Variants in ZNF257 observed in about 807,000 individuals in gnomAD.
ZNF257 encodes zinc finger protein 257.
In ZNF257, 12 loss-of-function variants were observed where a neutral mutation model predicts 11.9. The ratio of observed to expected loss-of-function variants is 1.01; its 90% CI spans 0.65 to 1.63. The LOEUF (loss-of-function observed/expected upper bound fraction) is 1.63. Ranked by LOEUF, ZNF257 falls within the 40% of genes most tolerant of loss-of-function variation. The probability of loss-of-function intolerance (pLI) is 0.00; values close to 1 mark genes in which losing one functional copy is unlikely to be tolerated. For synonymous variants in ZNF257, 183 were observed against 222.7 expected, an observed-to-expected ratio of 0.82 and a Z score of 1.59; for missense variants, 580 against 665.5, an observed-to-expected ratio of 0.87 and a Z score of 1.41.
Position 22,089,340 on chromosome 19 carries a change from T to TA in ZNF257, c.1591dup (p.Thr531AsnfsTer4), listed in dbSNP as rs770103992. On this transcript the variant is annotated frameshift_variant, in exon 4 of 4. Transcript: ENST00000594947. LOFTEE classifies it low-confidence loss of function (END_TRUNC). Reference sequence around the variant, plus strand: ...AGCCTTTTAATCGTTTCTCATACCTTACCGTACATAAGAGAATTCATGCTG... The same window carrying TA: ...AGCCTTTTAATCGTTTCTCATACCTTAACCGTACATAAGAGAATTCATGCTG... 3 of 1,613,594 alleles carry TA rather than the reference T, an allele frequency of 1.9e-6. No individual in the cohort carries two copies. The highest frequency in any genetic ancestry group is 2.5e-6 in the Non-Finnish European group (3 of 1,179,814).
intron 1 of ZNF257, among the ~76,000 whole-genome samples, chr19:22,054,914 CTTTT>C (rs58547883): frequency 2.7e-4 from 30 of 110,616 alleles, no homozygotes; most frequent in African/African-American, 7.3e-4. Flanking sequence ...GCTACTGGGT[CTTTT>C]TTTTTTTTTT....
intron 3 of ZNF257, among the ~76,000 whole-genome samples, chr19:22,077,883 A>G (rs992501097): frequency 6.6e-6 from 1 of 152,006 alleles, no homozygotes; most frequent in African/African-American, 2.4e-5. Flanking sequence ...TTCACCAACA[A>G]TCGACATGGG....
At chr19:22,081,177 C>T (rs530825031) in intron 3 of ZNF257, among the ~76,000 whole-genome samples, 1 of 151,804 alleles carries the variant, frequency 6.6e-6, no homozygotes, top group South Asian at 2.1e-4. Context: ...ATGCCCGGTC[C>T]TATATAGATA....
rs1228969716 is a variant in ZNF257 at position 22,089,345 on chromosome 19, T to C, written c.1595T>C (p.Val532Ala). Residue 532 changes from valine (V) to alanine (A), a missense_variant, in exon 4 of 4, where the codon GTA becomes GCA. Transcript: ENST00000594947. ...KPFNRFSYLT[V>A]HKRIHAGENP... ...TTTAATCGTTTCTCATACCTTACCG[T>C]ACATAAGAGAATTCATGCTGGAGAG... 1 of 1,612,364 alleles carries C rather than the reference T, an allele frequency of 6.2e-7. No homozygotes were observed. Among genetic ancestry groups the C allele is most frequent in the South Asian group, 1.1e-5 (1 of 90,996 alleles).
intron 1 of ZNF257, among the ~76,000 whole-genome samples, chr19:22,064,560 G>GTTT (rs1004995224): frequency 6.6e-6 from 1 of 151,992 alleles, no homozygotes; most frequent in Non-Finnish European, 1.5e-5. Flanking sequence ...ATACTGAGTA[G>GTTT]TTTTTTTTAA....
intron 1 of ZNF257, among the ~76,000 whole-genome samples, chr19:22,067,707 C>T (rs1286484906): frequency 2.0e-5 from 3 of 151,784 alleles, no homozygotes; most frequent in Non-Finnish European, 4.4e-5. Flanking sequence ...TGGTGGTGGG[C>T]GCCTGTAATC....
chr19:22,081,228 G>A (rs2145713453), intron 3 of ZNF257, among the ~76,000 whole-genome samples: 1 of 151,876 alleles, frequency 6.6e-6, no homozygotes, highest in South Asian at 2.1e-4. Flanking sequence ...ACACGTATCT[G>A]TAGGTATACG....
intron 1 of ZNF257, among the ~76,000 whole-genome samples, chr19:22,070,702 A>G (rs562236561): frequency 6.6e-6 from 1 of 152,252 alleles, no homozygotes; most frequent in South Asian, 2.1e-4. Flanking sequence ...TGCTGAGTAT[A>G]AGGGACTCTG....
chr19:22,089,017 A>G lies in ZNF257; in HGVS notation c.1267A>G (p.Ile423Val), dbSNP rs779716558. ...TCTTACTACCCTTACTCAGCATAAG[A>G]TAATTCATACTGGAGAGAAACCCTA... ...SALTTLTQHK[I>V]IHTGEKPYKC... is the part of the protein sequence containing the mutation. Residue 423 changes from isoleucine (I) to valine (V), a missense_variant, in exon 4 of 4, where the codon ATA becomes GTA. Transcript: ENST00000594947. 1.9e-6 allele frequency: 3 copies of G among 1,613,506 alleles called. No homozygotes were observed. Among genetic ancestry groups the G allele is most frequent in the African/African-American group, 2.7e-5 (2 of 74,896 alleles).
rs957456825 is a variant in ZNF257, at chr19:22,052,540, T to G, written c.-93T>G. ...GTCTCGTCTTCCCTGGTCTGTGTCC[T>G]CTTCTCCTAGGGGCCCAGCCTCTGT... is the stretch of plus-strand genomic sequence containing the variant. On this transcript the variant is annotated 5_prime_UTR_variant, in exon 1 of 4. Transcript: ENST00000594947. 69 of 1,492,706 alleles carry G rather than the reference T, an allele frequency of 4.6e-5. No homozygotes were observed. The highest frequency in any genetic ancestry group is 2.1e-4 in the Admixed American group (12 of 58,366). The allele number at this position is 1,492,706 out of a possible 1,614,324, so 92.5% of individuals were successfully genotyped here. A position where few individuals can be genotyped will look rare whatever the true frequency, so the allele number is the denominator to read the frequency against.
chr19:22,065,452 G>A (rs2021919943), intron 1 of ZNF257, among the ~76,000 whole-genome samples: 2 of 152,034 alleles, frequency 1.3e-5, no homozygotes, highest in African/African-American at 4.8e-5. Context: ...CACCCACCTC[G>A]GCCTTCCAAA....
intron 1 of ZNF257, among the ~76,000 whole-genome samples, chr19:22,072,132 G>A (rs2022118076): frequency 6.6e-6 from 1 of 152,104 alleles, no homozygotes; most frequent in African/African-American, 2.4e-5. Flanking sequence ...TCCTTCTTTT[G>A]TGCATCAGCA....
At chr19:22,070,570 T>C (rs1033894408) in intron 1 of ZNF257, among the ~76,000 whole-genome samples, 9 of 152,142 alleles carry the variant, frequency 5.9e-5, no homozygotes, top group African/African-American at 9.7e-5. Context: ...CGCAGACTTA[T>C]TCAGACATGG....
chr19:22,083,902 G>A (rs1404365991), intron 3 of ZNF257, among the ~76,000 whole-genome samples: 1 of 152,246 alleles, frequency 6.6e-6, no homozygotes, highest in East Asian at 1.9e-4. Context: ...CACTTTGGGA[G>A]ACCAAGGTGG....
At position 22,072,916 on chromosome 19, in the gene ZNF257, C is replaced by T. The variant is rs748494125; in HGVS notation, c.111C>T (p.Tyr37=). 6.2e-7 allele frequency: 1 copy of T among 1,612,696 alleles called. No homozygotes were observed. Among genetic ancestry groups the T allele is most frequent in the South Asian group, 1.1e-5 (1 of 90,932 alleles). Residue 37 remains tyrosine, a synonymous_variant, in exon 2 of 4, where the codon TAC becomes TAT. Coordinates refer to ENST00000594947, the MANE Select transcript of ZNF257 (RefSeq NM_033468.4). ...NLYRDVMLEN[Y]RNLVFLGIAV... ...ATAGGGATGTGATGTTAGAGAACTA[C>T]AGAAACCTGGTCTTCCTGGGTGAGG... is the stretch of plus-strand genomic sequence containing the variant.
intron 3 of ZNF257, among the ~76,000 whole-genome samples, chr19:22,085,677 TACACACACACATGC>T (rs1448150202): frequency 7.6e-6 from 1 of 130,752 alleles, no homozygotes; most frequent in Non-Finnish European, 1.6e-5. Context: ...TAATGTGAGA[TACACACACACATGC>T]ACACACACAC....
At chr19:22,075,662 C>G (rs970461616) in intron 3 of ZNF257, 1 of 152,230 alleles carries the variant, frequency 6.6e-6, no homozygotes, top group African/African-American at 2.4e-5. Flanking sequence ...TGAGAGCCTG[C>G]TTTCTGAAGA....
chr19:22,055,581 A>G (rs2021609109), intron 1 of ZNF257, among the ~76,000 whole-genome samples: 1 of 152,168 alleles, frequency 6.6e-6, no homozygotes, highest in Admixed American at 6.5e-5. Flanking sequence ...GAGCTTACAA[A>G]ATAAAATGAT....
chr19:22,081,238 G>GTA (rs1424039570), intron 3 of ZNF257, among the ~76,000 whole-genome samples: 2 of 151,538 alleles, frequency 1.3e-5, no homozygotes, highest in Non-Finnish European at 2.9e-5. Context: ...GTAGGTATAC[G>GTA]TATATATATA....
Sources: gnomAD v4.1 joint callset for allele counts (sites outside exome capture counted in the v4.1 genomes callset) on GRCh38, gnomAD v4.1.1 for gene constraint, MANE v1.5 for transcripts, NCBI Gene and HGNC (gene_info 2026-07-23, HGNC 2026-07-21) for gene names.